The following RBMS3 variants were observed in gnomAD, a reference collection of about 807,000 sequenced individuals.
RBMS3 encodes the protein RNA-binding motif, single-stranded-interacting protein 3.
RBMS3 carries 27 observed loss-of-function variants against 66.8 expected under a neutral mutation model. The ratio of observed to expected loss-of-function variants is 0.40; its 90% CI spans 0.30 to 0.56. The LOEUF is 0.56. Among genes scored for constraint, RBMS3 ranks in the 20% least tolerant of loss-of-function variants. The pLI is 0.40. For synonymous variants in RBMS3, 188 were observed against 183.0 expected, an observed-to-expected ratio of 1.03 and a Z score of -0.22; for missense variants, 513 against 549.5, an observed-to-expected ratio of 0.93 and a Z score of 0.66.
intron 1 of RBMS3, among the ~76,000 whole-genome samples, chr3:29,434,217 A>C (rs1195778522): frequency 6.6e-6 from 1 of 152,240 alleles, no homozygotes; most frequent in African/African-American, 2.4e-5. Flanking sequence ...TCATTCATTC[A>C]GTCATTCATA....
chr3:29,803,756 C>T (rs2057459650), intron 6 of RBMS3, among the ~76,000 whole-genome samples: 1 of 151,816 alleles, frequency 6.6e-6, no homozygotes, highest in South Asian at 2.1e-4. Flanking sequence ...TCTCAAGCTA[C>T]AGAAAAATTG....
At chr3:29,523,965 G>T (rs186563972) in intron 3 of RBMS3, among the ~76,000 whole-genome samples, 8 of 152,048 alleles carry the variant, frequency 5.3e-5, no homozygotes, top group Admixed American at 5.2e-4. Flanking sequence ...TTGAACTCCT[G>T]GCCACAAGCA....
chr3:29,889,588 G>A (rs562674309), intron 8 of RBMS3, among the ~76,000 whole-genome samples: 2 of 151,776 alleles, frequency 1.3e-5, no homozygotes, highest in Non-Finnish European at 1.5e-5. Context: ...GGAACCTGGT[G>A]TGGTACAAGA....
At chr3:29,951,215 A>T (rs1360583920) in intron 12 of RBMS3, among the ~76,000 whole-genome samples, 7 of 151,912 alleles carry the variant, frequency 4.6e-5, no homozygotes, top group Non-Finnish European at 7.4e-5. Context: ...TGTGCTAAAC[A>T]TCTTAGGAGA....
intron 6 of RBMS3, among the ~76,000 whole-genome samples, chr3:29,779,030 A>G (rs2056525409): frequency 1.3e-5 from 2 of 151,764 alleles, no homozygotes; most frequent in African/African-American, 4.8e-5. Context: ...TAAATACATC[A>G]TTTCTTTAGT....
rs562740434 is a variant in RBMS3 at position 29,584,619 on chromosome 3, T to C, written c.308-2495T>C. ...AGTCTTCCCATTTCAATAAATTACATATCCACTCACCCAGTGGCTTATGGC... is the reference window on the plus strand; with the variant it reads ...AGTCTTCCCATTTCAATAAATTACACATCCACTCACCCAGTGGCTTATGGC... On this transcript the variant is annotated intron_variant, in intron 3 of 14. Transcript: ENST00000383767. 1.2e-4 allele frequency among the ~76,000 whole-genome samples: 19 copies of C among 152,252 alleles called. 2 individuals are homozygous for C. The South Asian group carries it at 3.7e-3, about 30-fold the overall frequency.
intron 2 of RBMS3, among the ~76,000 whole-genome samples, chr3:29,442,675 A>G (rs2041672343): frequency 6.6e-6 from 1 of 151,974 alleles, no homozygotes; most frequent in South Asian, 2.1e-4. Context: ...TAAGGGCGGG[A>G]CTCTGGCAAG....
intron 6 of RBMS3, among the ~76,000 whole-genome samples, chr3:29,774,479 AT>A (rs1167002535): frequency 2.0e-5 from 3 of 152,102 alleles, no homozygotes; most frequent in African/African-American, 7.2e-5. Flanking sequence ...AAATAAAAAA[AT>A]CTTAGCAAAG....
At chr3:29,891,722 G>A (rs1486159072) in intron 8 of RBMS3, among the ~76,000 whole-genome samples, 1 of 151,450 alleles carries the variant, frequency 6.6e-6, no homozygotes, top group Admixed American at 6.6e-5. Context: ...GTTTTCTATA[G>A]CATTGGTTTG....
chr3:29,592,469 C>T (rs941020611), intron 4 of RBMS3, among the ~76,000 whole-genome samples: 6 of 152,124 alleles, frequency 3.9e-5, no homozygotes, highest in Non-Finnish European at 7.4e-5. Flanking sequence ...TACCATCTCA[C>T]ACCAGTTAGA....
intron 8 of RBMS3, among the ~76,000 whole-genome samples, chr3:29,889,725 A>G (rs1018825768): frequency 7.9e-5 from 12 of 151,780 alleles, no homozygotes; most frequent in African/African-American, 2.4e-4. Flanking sequence ...CCCTGCTAGA[A>G]TATAACTCAA....
intron 1 of RBMS3, among the ~76,000 whole-genome samples, chr3:29,346,396 CTTTTTT>C (rs34803214): frequency 5.3e-4 from 32 of 59,996 alleles, no homozygotes; most frequent in Middle Eastern, 0.016. Context: ...GCAATTCATT[CTTTTTT>C]TTTTTTTTTT....
Position 29,429,954 on chromosome 3 carries a change from TTTATTTA to T in RBMS3, c.76-4786_76-4780del, listed in dbSNP as rs1559354236. On this transcript the variant is annotated intron_variant, in intron 1 of 14. Transcript: ENST00000383767. ...CTTCTTTTATTTATTTATTTATTTA[TTTATTTA>T]TTTTTTAAGATTCTGTAGTTTGGTC... Among the ~76,000 whole-genome samples the T allele has an allele frequency of 5.9e-5, 9 of 152,034 alleles. No homozygotes were observed. In the East Asian group the frequency reaches 9.7e-4, roughly 16 times the overall value.
chr3:29,701,606 G>A (rs544629527), intron 4 of RBMS3, among the ~76,000 whole-genome samples: 7 of 152,178 alleles, frequency 4.6e-5, no homozygotes, highest in South Asian at 2.1e-4. Flanking sequence ...CTGGGGCTGC[G>A]CGCGTCGTTC....
intron 3 of RBMS3, among the ~76,000 whole-genome samples, chr3:29,495,417 CTTTTTTTTTTT>C (rs775377508): frequency 3.6e-5 from 4 of 111,884 alleles, no homozygotes; most frequent in Non-Finnish European, 7.6e-5. Flanking sequence ...ATATTTCTTT[CTTTTTTTTTTT>C]TTTTTTTTTT....
intron 1 of RBMS3, among the ~76,000 whole-genome samples, chr3:29,347,767 A>G (rs182786916): frequency 6.6e-6 from 1 of 152,234 alleles, no homozygotes; most frequent in Admixed American, 6.5e-5. Context: ...TTCTCCCCAC[A>G]AAACTCGCCG....
At chr3:29,930,256 C>T (rs1280451644) in intron 10 of RBMS3, among the ~76,000 whole-genome samples, 1 of 151,050 alleles carries the variant, frequency 6.6e-6, no homozygotes, top group Admixed American at 6.6e-5. Context: ...GGACTACAGG[C>T]GCCTACCACC....
chr3:29,658,093 A>T (rs1402727405), intron 4 of RBMS3, among the ~76,000 whole-genome samples: 1 of 152,186 alleles, frequency 6.6e-6, no homozygotes, highest in Non-Finnish European at 1.5e-5. Context: ...ATTCTTGGCA[A>T]GTTAATTCTG....
chr3:29,683,796 C>T (rs2051601681), intron 4 of RBMS3, among the ~76,000 whole-genome samples: 1 of 152,116 alleles, frequency 6.6e-6, no homozygotes, highest in Admixed American at 6.6e-5. Flanking sequence ...TCTTTAAGAG[C>T]CAAATTAACT....
Sources: gnomAD v4.1 joint callset for allele counts (sites outside exome capture counted in the v4.1 genomes callset) on GRCh38, gnomAD v4.1.1 for gene constraint, MANE v1.5 for transcripts, NCBI Gene and HGNC (gene_info 2026-07-23, HGNC 2026-07-21) for gene names.